GLB1: variants seen among roughly 807,000 people sequenced by gnomAD.
GLB1 encodes galactosidase beta 1.
A neutral mutation model predicts 74.0 loss-of-function variants in GLB1; 56 were observed. The observed-to-expected ratio is 0.76, with a 90% CI of 0.61 to 0.94. The LOEUF (loss-of-function observed/expected upper bound fraction) is 0.94. Among genes scored for constraint, GLB1 ranks in the 40% least tolerant of loss-of-function variants. The probability of loss-of-function intolerance (pLI) is 0.00; values close to 1 mark genes in which losing one functional copy is unlikely to be tolerated. For synonymous variants in GLB1, 323 were observed against 323.6 expected (o/e 1.00, Z 0.02); for missense variants, 787 against 845.5 (o/e 0.93, Z 0.86).
intron 11 of GLB1, among the ~76,000 whole-genome samples, chr3:33,022,072 A>T (rs1350300265): frequency 6.6e-6 from 1 of 152,152 alleles, no homozygotes; most frequent in Non-Finnish European, 1.5e-5. Context: ...TGCTATTATT[A>T]TATCACCTTA....
chr3:33,049,882 T>C (rs1422742207), intron 9 of GLB1, among the ~76,000 whole-genome samples: 3 of 152,176 alleles, frequency 2.0e-5, no homozygotes, highest in East Asian at 1.9e-4. Context: ...TTAAAATTGA[T>C]AATGCTTGTA....
At chr3:33,091,245 T>C (rs1308778704) in intron 1 of GLB1, 1 of 985,334 alleles carries the variant, frequency 1.0e-6, no homozygotes, top group African/African-American at 1.7e-5. Flanking sequence ...AACTGCATGG[T>C]ATGGCCCACT....
At chr3:33,050,134 A>AC (rs1235523229) in intron 9 of GLB1, among the ~76,000 whole-genome samples, 2 of 152,248 alleles carry the variant, frequency 1.3e-5, no homozygotes, top group African/African-American at 4.8e-5. Flanking sequence ...TTGCAAAAAA[A>AC]CAACAAAAAT....
intron 6 of GLB1, among the ~76,000 whole-genome samples, chr3:33,055,275 T>C (rs1699167221): frequency 6.6e-6 from 1 of 152,122 alleles, no homozygotes; most frequent in African/African-American, 2.4e-5. Flanking sequence ...ACATACAAAT[T>C]ATGCTTAAAA....
At chr3:33,087,546 G>T (rs944180680) in intron 1 of GLB1, among the ~76,000 whole-genome samples, 1 of 148,798 alleles carries the variant, frequency 6.7e-6, no homozygotes, top group Admixed American at 6.7e-5. Context: ...CTCCAGCCCC[G>T]GCGACAGAGC....
chr3:33,009,729 A>G (rs1696944238), intron 15 of GLB1, among the ~76,000 whole-genome samples: 2 of 152,234 alleles, frequency 1.3e-5, no homozygotes, highest in Non-Finnish European at 2.9e-5. Context: ...GAGCATATCC[A>G]TCAGCTCCAA....
chr3:33,077,933 C>G (rs986805805), intron 1 of GLB1, among the ~76,000 whole-genome samples: 3 of 151,082 alleles, frequency 2.0e-5, no homozygotes, highest in Admixed American at 1.3e-4. Flanking sequence ...AAACCAAGGA[C>G]AATTTTATAA....
chr3:33,018,921 C>T (rs36036446), intron 12 of GLB1, among the ~76,000 whole-genome samples: 21,375 of 151,944 alleles, frequency 0.14, 1,583 homozygotes, highest in Non-Finnish European at 0.16. Flanking sequence ...TAAGTAAAAC[C>T]AACAAAAAAA....
Position 33,043,076 on chromosome 3 carries a change from A to G in GLB1, c.1068+3044T>C, listed in dbSNP as rs1698569884. 1.3e-5 allele frequency among the ~76,000 whole-genome samples: 2 copies of G among 152,256 alleles called. 1 individual carries two copies. The highest frequency in any genetic ancestry group is 4.1e-4 in the South Asian group (2 of 4,838). Reference sequence around the variant, plus strand: ...AGAATTAAAATACATGACAATAATAACATACAAATCAAGAGGGCTGTAATT... The same window carrying G: ...AGAATTAAAATACATGACAATAATAGCATACAAATCAAGAGGGCTGTAATT... On this transcript the variant is annotated intron_variant, in intron 10 of 15. Transcript: ENST00000307363.
chr3:33,001,954 T>C lies in GLB1; in HGVS notation c.1735-4610A>G, dbSNP rs558125693. Among the ~76,000 whole-genome samples the C allele has an allele frequency of 3.9e-5, 6 of 152,342 alleles. No homozygotes were observed. In the South Asian group the frequency reaches 1.0e-3, roughly 26 times the overall value. On this transcript the variant is annotated intron_variant, in intron 15 of 15. Transcript: ENST00000307363. ...TCTATTTAAAAAATATATACATTGATTTTTATTTCTCTTAAAAAGTTATGC... is the reference window on the plus strand; with the variant it reads ...TCTATTTAAAAAATATATACATTGACTTTTATTTCTCTTAAAAAGTTATGC...
intron 5 of GLB1, among the ~76,000 whole-genome samples, chr3:33,059,244 TACACACACAC>T (rs55785242): frequency 0.039 from 5,582 of 144,422 alleles, 182 homozygotes; most frequent in African/African-American, 0.084. Context: ...ATATAAAACA[TACACACACAC>T]ACACACACAC....
rs143322194 is a variant in GLB1 at position 33,074,408 on chromosome 3, G to GAAAGAAAGAAAGAAAGAAAGAAAGAAAGA, written c.76-1696_76-1695insTCTTTCTTTCTTTCTTTCTTTCTTTCTTT. On this transcript the variant is annotated intron_variant, in intron 1 of 15. Transcript: ENST00000307363. ...AGGAAGGAAGAAAGAAAGAAAGAAAGAATATTACACATAGTAAAGTATTAC... is the reference window on the plus strand; with the variant it reads ...AGGAAGGAAGAAAGAAAGAAAGAAAGAAAGAAAGAAAGAAAGAAAGAAAGAAAGAAATATTACACATAGTAAAGTATTAC... Among the ~76,000 whole-genome samples, 7 of 113,544 alleles carry GAAAGAAAGAAAGAAAGAAAGAAAGAAAGA rather than the reference G, an allele frequency of 6.2e-5. 1 individual carries two copies. The highest frequency in any genetic ancestry group is 1.2e-4 in the Non-Finnish European group (6 of 50,826). The allele number at this position is 113,544 out of a possible 152,430, so 74.5% of individuals were successfully genotyped here.
At chr3:33,075,503 C>T (rs1188323383) in intron 1 of GLB1, among the ~76,000 whole-genome samples, 1 of 152,208 alleles carries the variant, frequency 6.6e-6, no homozygotes, top group Non-Finnish European at 1.5e-5. Context: ...CCAAGCACCT[C>T]TTACGTGCTG....
chr3:32,981,184 C>T, the GLB1 span, among the ~76,000 whole-genome samples: 1 of 147,070 alleles, frequency 6.8e-6, no homozygotes, highest in African/African-American at 2.5e-5. Flanking sequence ...ATGGGCGGAT[C>T]ATGAGGTCAG....
the GLB1 span, among the ~76,000 whole-genome samples, chr3:32,978,020 G>A: frequency 2.6e-5 from 4 of 152,044 alleles, no homozygotes; most frequent in Admixed American, 6.6e-5. Flanking sequence ...TGTTATTATC[G>A]CTAACCATTG....
At chr3:33,004,848 G>A (rs1343887684) in intron 15 of GLB1, among the ~76,000 whole-genome samples, 1 of 152,196 alleles carries the variant, frequency 6.6e-6, no homozygotes, top group Non-Finnish European at 1.5e-5. Context: ...TCAGGCTGGA[G>A]GTGCCTATGA....
chr3:33,072,150 C>A (rs1275426885), intron 2 of GLB1, among the ~76,000 whole-genome samples: 1 of 152,174 alleles, frequency 6.6e-6, no homozygotes, highest in African/African-American at 2.4e-5. Flanking sequence ...ACTAGCTGAA[C>A]CTCTGACCAA....
the GLB1 span, among the ~76,000 whole-genome samples, chr3:32,962,064 C>A: frequency 6.6e-6 from 1 of 151,474 alleles, no homozygotes; most frequent in Non-Finnish European, 1.5e-5. Flanking sequence ...CATGGTGGTG[C>A]GTGCTGGTAG....
At chr3:32,989,956 A>T in the GLB1 span, among the ~76,000 whole-genome samples, 1 of 152,240 alleles carries the variant, frequency 6.6e-6, no homozygotes, top group East Asian at 1.9e-4. Flanking sequence ...GAATGTTATT[A>T]TTCTTATTAA....
Sources: gnomAD v4.1 joint callset for allele counts (sites outside exome capture counted in the v4.1 genomes callset) on GRCh38, gnomAD v4.1.1 for gene constraint, MANE v1.5 for transcripts, NCBI Gene and HGNC (gene_info 2026-07-23, HGNC 2026-07-21) for gene names.